The following PIBF1 variants were observed in gnomAD, a reference collection of about 807,000 sequenced individuals.
PIBF1 encodes the protein progesterone immunomodulatory binding factor 1.
Under a neutral mutation model 112.5 loss-of-function variants are expected in PIBF1, and 90 were observed. The observed-to-expected ratio is 0.80, with a 90% CI of 0.67 to 0.95. The LOEUF is 0.95. PIBF1 is among the 40% of genes least tolerant of loss of function. PIBF1 has a pLI of 0.00. For synonymous variants in PIBF1, 301 were observed against 288.6 expected, an observed-to-expected ratio of 1.04 and a Z score of -0.44; for missense variants, 915 against 852.3, an observed-to-expected ratio of 1.07 and a Z score of -0.92.
At chr13:72,947,418 G>A (rs147536031) in intron 14 of PIBF1, among the ~76,000 whole-genome samples, 1 of 152,114 alleles carries the variant, frequency 6.6e-6, no homozygotes, top group African/African-American at 2.4e-5. Context: ...TGATTGGAGG[G>A]GCTGCTGTGA....
chr13:72,927,939 A>ATG lies in PIBF1; in HGVS notation c.1731-3220_1731-3219dup, dbSNP rs536105744. ...AGAACTTTAATACCATTTCTAATAT[A>ATG]TGTGTGTATATATATATATACACAT... On this transcript the variant is annotated intron_variant, in intron 13 of 17. Transcript: ENST00000326291. Among the ~76,000 whole-genome samples the ATG allele has an allele frequency of 2.3e-3, 288 of 126,926 alleles. 1 individual carries two copies. The highest frequency in any genetic ancestry group is 6.8e-3 in the East Asian group (32 of 4,720). The allele number at this position is 126,926 out of a possible 152,430, so 83.3% of individuals were successfully genotyped here. A position where few individuals can be genotyped will look rare whatever the true frequency, so the allele number is the denominator to read the frequency against.
intron 14 of PIBF1, among the ~76,000 whole-genome samples, chr13:72,941,758 T>G (rs115590914): frequency 6.6e-6 from 1 of 152,208 alleles, no homozygotes; most frequent in South Asian, 2.1e-4. Flanking sequence ...GTATTAACTT[T>G]GAAAGAAATT....
Position 72,990,772 on chromosome 13 carries a change from C to T in PIBF1, c.2050-8050C>T, listed in dbSNP as rs149728026. ...CTGAGGTAGGAGAATCGTTTGAACC[C>T]GGGAGGTGGAGGTTGCAGTGAGCCA... On this transcript the variant is annotated intron_variant, in intron 16 of 17. Transcript: ENST00000326291. Among the ~76,000 whole-genome samples the T allele has an allele frequency of 2.5e-3, 365 of 145,906 alleles. 3 individuals carry two copies. The highest frequency in any genetic ancestry group is 8.4e-3 in the African/African-American group (332 of 39,386).
chr13:72,880,001 T>C (rs1055473666), intron 10 of PIBF1, among the ~76,000 whole-genome samples: 1 of 152,196 alleles, frequency 6.6e-6, no homozygotes, highest in Non-Finnish European at 1.5e-5. Flanking sequence ...TTTGGTCCTT[T>C]ACAAAACATG....
At chr13:72,799,018 AAG>A (rs1310133400) in intron 5 of PIBF1, among the ~76,000 whole-genome samples, 1 of 152,230 alleles carries the variant, frequency 6.6e-6, no homozygotes, top group African/African-American at 2.4e-5. Flanking sequence ...CAGTGAACCC[AAG>A]AGAGGCAATG....
rs1326890877 is a variant in PIBF1 at position 72,984,377 on chromosome 13, A to G, written c.2049+10702A>G. 3.3e-5 allele frequency among the ~76,000 whole-genome samples: 5 copies of G among 152,196 alleles called. No individual in the cohort carries two copies. In the East Asian group the frequency reaches 7.7e-4, roughly 23 times the overall value. On this transcript the variant is annotated intron_variant, in intron 16 of 17. Transcript: ENST00000326291. Reference sequence around the variant, plus strand: ...TCAGAGAAAGGAAAAGTTTTAAATTAGTCTTCTCTGCTGAGAATTGGCCTT... The same window carrying G: ...TCAGAGAAAGGAAAAGTTTTAAATTGGTCTTCTCTGCTGAGAATTGGCCTT...
intron 16 of PIBF1, among the ~76,000 whole-genome samples, chr13:72,976,705 T>C (rs2043030814): frequency 6.6e-6 from 1 of 152,144 alleles, no homozygotes; most frequent in South Asian, 2.1e-4. Context: ...GCAAATTGCA[T>C]ATATGGAAAG....
intron 10 of PIBF1, 123 bp downstream of exon 10, chr13:72,854,278 C>A: frequency 1.6e-6 from 1 of 618,762 alleles, no homozygotes; most frequent in South Asian, 2.1e-5. Context: ...GACTAATTTT[C>A]ATTTCAATAA....
chr13:72,825,644 C>A (rs945312144), intron 6 of PIBF1, among the ~76,000 whole-genome samples: 1 of 152,008 alleles, frequency 6.6e-6, no homozygotes, highest in African/African-American at 2.4e-5. Flanking sequence ...CCACATATAC[C>A]GTTAAGACAC....
chr13:73,013,281 A>T (rs2044267801), intron 17 of PIBF1, among the ~76,000 whole-genome samples: 1 of 143,778 alleles, frequency 7.0e-6, no homozygotes. Context: ...AGCCTGGGCG[A>T]CAGAGCGAGA....
At chr13:73,014,696 T>C (rs2044330188) in intron 17 of PIBF1, among the ~76,000 whole-genome samples, 1 of 152,124 alleles carries the variant, frequency 6.6e-6, no homozygotes. Context: ...TGTACCTTCC[T>C]CTCAATTGTT....
intron 8 of PIBF1, among the ~76,000 whole-genome samples, chr13:72,829,277 G>C (rs904073873): frequency 3.3e-5 from 5 of 152,156 alleles, no homozygotes; most frequent in African/African-American, 1.2e-4. Context: ...AAGCTCTTTA[G>C]TTTAATTAGA....
intron 16 of PIBF1, among the ~76,000 whole-genome samples, chr13:72,985,559 A>C (rs1312682883): frequency 6.6e-6 from 1 of 151,664 alleles, no homozygotes; most frequent in Non-Finnish European, 1.5e-5. Context: ...ACAGAAAAAG[A>C]AAAAGAAAAT....
intron 11 of PIBF1, among the ~76,000 whole-genome samples, chr13:72,895,108 G>A (rs1028777854): frequency 6.6e-6 from 1 of 151,806 alleles, no homozygotes; most frequent in Non-Finnish European, 1.5e-5. Flanking sequence ...TGGCAACAGA[G>A]CAAGACTACA....
chr13:72,826,907 A>G (rs2036836157), intron 6 of PIBF1, 103 bp from the exon 7 acceptor site: 8 of 537,862 alleles, frequency 1.5e-5, no homozygotes, highest in Non-Finnish European at 2.3e-5. Flanking sequence ...CCCCATTGCT[A>G]GTGTCTCTAT....
At chr13:72,847,758 A>G (rs1320727389) in intron 9 of PIBF1, among the ~76,000 whole-genome samples, 2 of 152,220 alleles carry the variant, frequency 1.3e-5, no homozygotes, top group African/African-American at 4.8e-5. Context: ...TGTCCTGCTC[A>G]TTAACTTTTC....
At chr13:72,791,402 C>A (rs1474974469) in intron 2 of PIBF1, among the ~76,000 whole-genome samples, 1 of 152,020 alleles carries the variant, frequency 6.6e-6, no homozygotes, top group Non-Finnish European at 1.5e-5. Context: ...TTGGTTAAAG[C>A]AAAGGGAATA....
intron 11 of PIBF1, among the ~76,000 whole-genome samples, chr13:72,894,930 G>T (rs986644704): frequency 3.4e-4 from 51 of 151,736 alleles, no homozygotes; most frequent in African/African-American, 1.2e-3. Context: ...TTCTAGACCA[G>T]CCTGGCCAAC....
At chr13:72,854,301 TTTTCA>T (rs1257899154) in intron 10 of PIBF1, 146 bp downstream of exon 10, 31 of 604,202 alleles carry the variant, frequency 5.1e-5, no homozygotes, top group Middle Eastern at 4.2e-4. Flanking sequence ...TTCATTTCAA[TTTTCA>T]TTTCATTTCA....
Sources: allele counts gnomAD v4.1 joint callset (sites outside exome capture counted in the v4.1 genomes callset), GRCh38; gene constraint gnomAD v4.1.1; transcripts MANE v1.5; gene names NCBI Gene and HGNC (gene_info 2026-07-23, HGNC 2026-07-21).